Variants in NPIPA5 observed in about 807,000 individuals in gnomAD.
NPIPA5 encodes nuclear pore complex-interacting protein family member A5.
A neutral mutation model predicts 21.4 loss-of-function variants in NPIPA5; 6 were observed. The ratio of observed to expected loss-of-function variants is 0.28; its 90% CI spans 0.15 to 0.55. NPIPA5 has a LOEUF of 0.55. Ranked by LOEUF, NPIPA5 falls within the 20% of genes least tolerant of loss-of-function variation. NPIPA5 has a pLI of 0.93. For synonymous variants in NPIPA5, 33 were observed against 115.3 expected (o/e 0.29, Z 4.57); for missense variants, 99 against 318.2 (o/e 0.31, Z 5.24).
upstream of NPIPA5, among the ~76,000 whole-genome samples, chr16:15,379,969 A>ATG (rs1016533368): frequency 3.4e-4 from 51 of 149,162 alleles, no homozygotes; most frequent in Middle Eastern, 3.5e-3. Flanking sequence ...ATATATATAT[A>ATG]TGTGTGTGTG....
rs943612179 is a variant in NPIPA5 at position 15,376,056 on chromosome 16, A to G, written c.63+2176T>C. On this transcript the variant is annotated intron_variant, in intron 1 of 7. Coordinates refer to ENST00000360151, the MANE Select transcript of NPIPA5 (RefSeq NM_001277325.2). ...ATGGAAATGATGGAGTTAGAGAAGC[A>G]TACAACAATGGTAATGATTTCAGAA... Among the ~76,000 whole-genome samples the G allele has an allele frequency of 1.6e-4, 24 of 152,076 alleles. 1 individual carries two copies. Among genetic ancestry groups the G allele is most frequent in the African/African-American group, 5.3e-4 (22 of 41,438 alleles).
intron 4 of NPIPA5, among the ~76,000 whole-genome samples, chr16:15,369,025 C>T (rs1296205659): frequency 7.1e-6 from 1 of 139,938 alleles, no homozygotes; most frequent in East Asian, 2.1e-4. Context: ...TGTGGTGGCA[C>T]ACACCTGTAA....
chr16:15,381,254 G>GT (rs1239692634), upstream of NPIPA5: 41 of 149,714 alleles, frequency 2.7e-4, no homozygotes, highest in Non-Finnish European at 7.1e-5. Context: ...TTTAACCTCA[G>GT]TTTTCTTCTG....
chr16:15,379,962 T>C (rs950625894), upstream of NPIPA5, among the ~76,000 whole-genome samples: 1 of 150,260 alleles, frequency 6.7e-6, no homozygotes, highest in Non-Finnish European at 1.5e-5. Context: ...ATAAAAAATA[T>C]ATATATATGT....
upstream of NPIPA5, among the ~76,000 whole-genome samples, chr16:15,378,988 C>T (rs1386118838): frequency 6.9e-6 from 1 of 145,974 alleles, no homozygotes; most frequent in Admixed American, 6.9e-5. Flanking sequence ...GAGCTCCAAG[C>T]AGGTGGGCAG....
rs1318471434 is a variant in NPIPA5, at chr16:15,372,497, G to C, written c.192+1218C>G. Among the ~76,000 whole-genome samples, 2 of 122,058 alleles carry C rather than the reference G, an allele frequency of 1.6e-5. 1 individual carries two copies. The highest frequency in any genetic ancestry group is 1.8e-4 in the Admixed American group (2 of 11,346). The allele number at this position is 122,058 out of a possible 152,430, so 80.1% of individuals were successfully genotyped here. ...GAGACTCCTCTTGGGGGTGAGAAAA[G>C]AAAAAAAAAAAAAGCTTCCTCCAAT... On this transcript the variant is annotated intron_variant, in intron 2 of 7. Transcript: ENST00000360151.
chr16:15,372,661 G>T (rs1433163186), intron 2 of NPIPA5, among the ~76,000 whole-genome samples: 1 of 145,858 alleles, frequency 6.9e-6, no homozygotes, highest in Non-Finnish European at 1.5e-5. Context: ...TATCTAGGCA[G>T]TAAAACTGAA....
At chr16:15,376,776 G>A (rs1407811768) in intron 1 of NPIPA5, among the ~76,000 whole-genome samples, 4 of 151,444 alleles carry the variant, frequency 2.6e-5, no homozygotes, top group Non-Finnish European at 4.4e-5. Flanking sequence ...TTAGCCAGGC[G>A]TGGTGGCCTA....
At chr16:15,370,830 C>G (rs1292100744) in intron 2 of NPIPA5, among the ~76,000 whole-genome samples, 2 of 148,008 alleles carry the variant, frequency 1.4e-5, no homozygotes, top group Non-Finnish European at 3.0e-5. Flanking sequence ...GCGGGTGAAT[C>G]ACGGTCCAGA....
upstream of NPIPA5, among the ~76,000 whole-genome samples, chr16:15,379,648 T>C (rs921511703): frequency 7.5e-4 from 113 of 150,784 alleles, no homozygotes; most frequent in African/African-American, 2.5e-3. Flanking sequence ...GCTGCAGCCA[T>C]GTTCCAGCCC....
In NPIPA5 at chr16:15,363,666, C is replaced by CT; in HGVS notation, c.1045dup (p.Arg349LysfsTer8). On this transcript the variant is annotated frameshift_variant, in exon 8 of 8. Coordinates refer to ENST00000360151, the MANE Select transcript of NPIPA5 (RefSeq NM_001277325.2). LOFTEE classifies it high-confidence loss of function. ...TTATTTATTTATTCTTCATTAGTTTCTTGAGATTATCATCCGCTGAGGGTG... is the reference window on the plus strand; with the variant it reads ...TTATTTATTTATTCTTCATTAGTTTCTTTGAGATTATCATCCGCTGAGGGTG... The CT allele has an allele frequency of 6.7e-7, 1 of 1,499,752 alleles. No individual in the cohort carries two copies. Among genetic ancestry groups the CT allele is most frequent in the Non-Finnish European group, 8.9e-7 (1 of 1,119,636 alleles). The allele number at this position is 1,499,752 out of a possible 1,614,324, so 92.9% of individuals were successfully genotyped here.
chr16:15,363,759 G>A lies in NPIPA5; in HGVS notation c.953C>T (p.Pro318Leu). The A allele has an allele frequency of 1.6e-6, 2 of 1,289,880 alleles. No homozygotes were observed. The highest frequency in any genetic ancestry group is 2.0e-6 in the Non-Finnish European group (2 of 986,402). 79.9% of individuals were successfully genotyped at this position (1,289,880 alleles called of 1,614,324 possible). A position where few individuals can be genotyped will look rare whatever the true frequency, so the allele number is the denominator to read the frequency against. Reference sequence around the variant, plus strand: ...ATCATCCGCTGAGGGTGGAGCTGAGGGTGGAAGGGGAGTGAGCAGACACTC... The same window carrying A: ...ATCATCCGCTGAGGGTGGAGCTGAGAGTGGAAGGGGAGTGAGCAGACACTC... Reference protein sequence around the residue: ...PAECLLTPLPPSAPPSADDNL... With the variant: ...PAECLLTPLPLSAPPSADDNL... Residue 318 changes from proline (P) to leucine (L), a missense_variant, in exon 8 of 8, where the codon CCC becomes CTC. Physicochemically the swap from Pro to Leu is moderately conservative, Grantham distance 98. Coordinates refer to ENST00000360151, the MANE Select transcript of NPIPA5 (RefSeq NM_001277325.2).
At chr16:15,376,692 G>A (rs1379840289) in intron 1 of NPIPA5, among the ~76,000 whole-genome samples, 19 of 152,198 alleles carry the variant, frequency 1.2e-4, no homozygotes, top group Middle Eastern at 3.4e-3. Flanking sequence ...TGAGGCAGGC[G>A]GATCACGAGG....
chr16:15,374,277 C>T (rs1410738378), intron 1 of NPIPA5, among the ~76,000 whole-genome samples: 5 of 150,950 alleles, frequency 3.3e-5, no homozygotes, highest in African/African-American at 4.9e-5. Flanking sequence ...CGGCTCACTG[C>T]AACCTCCAGC....
intron 4 of NPIPA5, among the ~76,000 whole-genome samples, chr16:15,367,990 TA>T: frequency 1.7e-5 from 1 of 60,092 alleles, no homozygotes; most frequent in Middle Eastern, 4.3e-3. Context: ...AAACAGAATA[TA>T]AAACCCATGA....
At chr16:15,367,335 G>C (rs973723223) in intron 4 of NPIPA5, among the ~76,000 whole-genome samples, 1 of 152,060 alleles carries the variant, frequency 6.6e-6, no homozygotes, top group Non-Finnish European at 1.5e-5. Context: ...TCTTGTCATC[G>C]ACTTTAAAGA....
At chr16:15,369,192 A>T (rs1244099394) in intron 4 of NPIPA5, among the ~76,000 whole-genome samples, 1 of 147,158 alleles carries the variant, frequency 6.8e-6, no homozygotes, top group East Asian at 2.1e-4. Context: ...GTGGTGGCTC[A>T]TGCCTCTAAT....
chr16:15,370,732 C>G lies in NPIPA5; in HGVS notation c.193-613G>C, dbSNP rs991232064. On this transcript the variant is annotated intron_variant, in intron 2 of 7. Transcript: ENST00000360151. ...TGCCATTGCACTCCAACATGGGCAA[C>G]AAAATTCAAACTCTGTCTCAAAAAA... Among the ~76,000 whole-genome samples the G allele has an allele frequency of 1.5e-5, 2 of 130,540 alleles. 1 individual carries two copies. The highest frequency in any genetic ancestry group is 5.7e-5 in the African/African-American group (2 of 35,056). The allele number at this position is 130,540 out of a possible 152,430, so 85.6% of individuals were successfully genotyped here.
chr16:15,368,388 A>T (rs972767343), intron 4 of NPIPA5, among the ~76,000 whole-genome samples: 3 of 151,796 alleles, frequency 2.0e-5, no homozygotes, highest in African/African-American at 7.3e-5. Flanking sequence ...CCAGAAGTAG[A>T]CTCCCATCTC....
Sources: allele counts gnomAD v4.1 joint callset (sites outside exome capture counted in the v4.1 genomes callset), GRCh38; gene constraint gnomAD v4.1.1; transcripts MANE v1.5; gene names NCBI Gene and HGNC (gene_info 2026-07-23, HGNC 2026-07-21).